The following EPHA3 variants were observed in gnomAD, a reference collection of about 807,000 sequenced individuals.
EPHA3 encodes EPH receptor A3, also known as ephrin type-A receptor 3.
Under a neutral mutation model 107.1 loss-of-function variants are expected in EPHA3, and 42 were observed. That is an observed-to-expected ratio of 0.39 (90% CI 0.31 to 0.51). The LOEUF (loss-of-function observed/expected upper bound fraction) is 0.51. EPHA3 is among the 20% of genes least tolerant of loss of function. EPHA3 has a pLI of 0.78. For synonymous variants in EPHA3, 461 were observed against 424.8 expected, an observed-to-expected ratio of 1.09 and a Z score of -1.05; for missense variants, 1,183 against 1,211.2, an observed-to-expected ratio of 0.98 and a Z score of 0.35.
intron 3 of EPHA3, among the ~76,000 whole-genome samples, chr3:89,285,374 G>A (rs1022926435): frequency 6.6e-6 from 1 of 150,694 alleles, no homozygotes; most frequent in African/African-American, 2.4e-5. Flanking sequence ...TTGGAATATA[G>A]CATTGAATGA....
intron 15 of EPHA3, among the ~76,000 whole-genome samples, chr3:89,451,127 G>C (rs1285551478): frequency 6.6e-6 from 1 of 152,172 alleles, no homozygotes; most frequent in Non-Finnish European, 1.5e-5. Context: ...CTAAGAGTAA[G>C]ATAAAGCCAG....
intron 3 of EPHA3, among the ~76,000 whole-genome samples, chr3:89,293,325 A>T (rs1379861854): frequency 1.3e-5 from 2 of 152,064 alleles, no homozygotes; most frequent in African/African-American, 4.8e-5. Context: ...CTCATATTAG[A>T]ATCTTTTGAA....
At chr3:89,335,344 T>C (rs182333903) in intron 3 of EPHA3, among the ~76,000 whole-genome samples, 1 of 152,230 alleles carries the variant, frequency 6.6e-6, no homozygotes, top group East Asian at 1.9e-4. Flanking sequence ...AGGGCACTAA[T>C]CTCATTCATG....
chr3:89,353,398 A>G (rs1707875334), intron 5 of EPHA3, among the ~76,000 whole-genome samples: 1 of 151,460 alleles, frequency 6.6e-6, no homozygotes, highest in African/African-American at 2.4e-5. Context: ...TCTATGATGC[A>G]TCCTTCTCTT....
At chr3:89,348,874 C>G (rs1263046231) in intron 5 of EPHA3, among the ~76,000 whole-genome samples, 1 of 132,036 alleles carries the variant, frequency 7.6e-6, no homozygotes, top group East Asian at 2.1e-4. Context: ...TCGTTATGTA[C>G]CCAGTAGTCA....
At chr3:89,239,007 T>G (rs996203188) in intron 3 of EPHA3, among the ~76,000 whole-genome samples, 1 of 152,162 alleles carries the variant, frequency 6.6e-6, no homozygotes, top group African/African-American at 2.4e-5. Flanking sequence ...CTCAGCATGG[T>G]ATAAATACAT....
intron 3 of EPHA3, among the ~76,000 whole-genome samples, chr3:89,293,748 A>G (rs752704343): frequency 1.1e-4 from 16 of 152,090 alleles, no homozygotes; most frequent in Non-Finnish European, 1.9e-4. Context: ...CACGATTGTA[A>G]GTTTCCTGAG....
chr3:89,140,229 G>T (rs1704403144), intron 2 of EPHA3, among the ~76,000 whole-genome samples: 1 of 151,762 alleles, frequency 6.6e-6, no homozygotes, highest in African/African-American at 2.4e-5. Flanking sequence ...ATTTTCAAAT[G>T]TTGCTATGTA....
At chr3:89,124,371 T>C in intron 1 of EPHA3, among the ~76,000 whole-genome samples, 1 of 152,170 alleles carries the variant, frequency 6.6e-6, no homozygotes, top group East Asian at 1.9e-4. Context: ...ACTCAAACAG[T>C]TCTACAATGG....
intron 3 of EPHA3, among the ~76,000 whole-genome samples, chr3:89,321,098 G>A (rs1354869754): frequency 2.6e-5 from 4 of 151,902 alleles, no homozygotes; most frequent in African/African-American, 4.8e-5. Context: ...ACATGTATGC[G>A]GAGTAAAATA....
intron 3 of EPHA3, among the ~76,000 whole-genome samples, chr3:89,232,093 T>C (rs1363226218): frequency 2.0e-5 from 3 of 152,162 alleles, no homozygotes; most frequent in Non-Finnish European, 4.4e-5. Context: ...AAGGTGCCCT[T>C]TCTGCTTGTG....
At chr3:89,478,090 A>G (rs1710551521) in intron 16 of EPHA3, among the ~76,000 whole-genome samples, 1 of 152,198 alleles carries the variant, frequency 6.6e-6, no homozygotes, top group South Asian at 2.1e-4. Flanking sequence ...GAATATATGA[A>G]CTAATTACTT....
chr3:89,355,768 T>G (rs1193431282), intron 5 of EPHA3, among the ~76,000 whole-genome samples: 1 of 150,432 alleles, frequency 6.6e-6, no homozygotes, highest in East Asian at 1.9e-4. Context: ...GATCTTCCCG[T>G]GTCTGGGGGA....
At chr3:89,197,128 T>C (rs1237967726) in intron 2 of EPHA3, among the ~76,000 whole-genome samples, 1 of 152,190 alleles carries the variant, frequency 6.6e-6, no homozygotes, top group African/African-American at 2.4e-5. Flanking sequence ...AAGTCTCTCT[T>C]ATGACCTAAA....
intron 2 of EPHA3, among the ~76,000 whole-genome samples, chr3:89,189,895 T>A (rs933025598): frequency 6.6e-6 from 1 of 152,180 alleles, no homozygotes; most frequent in African/African-American, 2.4e-5. Flanking sequence ...TCAGTAGCCC[T>A]GCCATTTTGC....
intron 6 of EPHA3, 146 bp downstream of exon 6, chr3:89,396,107 T>C (rs756814007): frequency 1.2e-5 from 14 of 1,123,892 alleles, no homozygotes; most frequent in Middle Eastern, 4.4e-4. Flanking sequence ...TTTGATTTAT[T>C]GGTAGAGGAA....
At chr3:89,230,186 C>T (rs1174696354) in intron 3 of EPHA3, among the ~76,000 whole-genome samples, 2 of 151,894 alleles carry the variant, frequency 1.3e-5, no homozygotes, top group Non-Finnish European at 2.9e-5. Context: ...GTAGCAGATC[C>T]CAACTAGAAG....
intron 3 of EPHA3, among the ~76,000 whole-genome samples, chr3:89,227,406 G>A (rs1420880749): frequency 6.6e-6 from 1 of 152,004 alleles, no homozygotes; most frequent in Admixed American, 6.6e-5. Context: ...GGGATCACTT[G>A]CAGGTCTCTA....
intron 16 of EPHA3, among the ~76,000 whole-genome samples, chr3:89,475,491 G>A (rs1710487849): frequency 6.6e-6 from 1 of 152,120 alleles, no homozygotes; most frequent in East Asian, 1.9e-4. Context: ...TGACATGCAA[G>A]CTACTCAAGT....
Sources: allele counts gnomAD v4.1 joint callset (sites outside exome capture counted in the v4.1 genomes callset), GRCh38; gene constraint gnomAD v4.1.1; transcripts MANE v1.5; gene names NCBI Gene and HGNC (gene_info 2026-07-23, HGNC 2026-07-21).